The following ATRNL1 variants were observed in gnomAD, a reference collection of about 807,000 sequenced individuals.
ATRNL1 encodes the protein attractin like 1.
ATRNL1 carries 95 observed loss-of-function variants against 182.7 expected under a neutral mutation model. The observed-to-expected ratio is 0.52, with a 90% CI of 0.44 to 0.62. The LOEUF (loss-of-function observed/expected upper bound fraction) is 0.62. Ranked by LOEUF, ATRNL1 falls within the 20% of genes least tolerant of loss-of-function variation. The pLI, the probability that ATRNL1 is intolerant of heterozygous loss-of-function variation, is 0.00. For synonymous variants in ATRNL1, 576 were observed against 568.3 expected, an observed-to-expected ratio of 1.01 and a Z score of -0.19; for missense variants, 1,471 against 1,679.5, an observed-to-expected ratio of 0.88 and a Z score of 2.17.
intron 27 of ATRNL1, among the ~76,000 whole-genome samples, chr10:115,830,238 G>T (rs1435351827): frequency 6.6e-6 from 1 of 152,166 alleles, no homozygotes; most frequent in Non-Finnish European, 1.5e-5. Flanking sequence ...AATAACCTAA[G>T]AATATGTAGG....
At position 115,129,353 on chromosome 10, in the gene ATRNL1, C is replaced by G. The variant is rs202019767; in HGVS notation, c.647C>G (p.Ser216Cys). ...YSINSCPNNC[S>C]GHGKCTTSVS... The stretch of plus-strand genomic sequence containing the variant: ...ATCAATTCTTGTCCTAACAATTGCT[C>G]TGGTCATGGGAAGTGTACAACTAGT... The change falls in exon 5 of 29, where the codon TCT (serine) becomes TGT (cysteine). Residue 216 changes from serine to cysteine, a missense_variant. Physicochemically the swap from Ser to Cys is moderately radical, Grantham distance 112. This residue lies in a region of ATRNL1 where 1,031 missense variants were observed against 1,156.0 expected (regional missense o/e 0.89). Transcript: ENST00000355044. The G allele has an allele frequency of 1.9e-6, 3 of 1,613,018 alleles. No homozygotes were observed. The highest frequency in any genetic ancestry group is 1.3e-5 in the African/African-American group (1 of 74,970).
Position 115,607,439 on chromosome 10 carries a change from A to G in ATRNL1, c.3795+57903A>G, listed in dbSNP as rs186431051. 6.2e-3 allele frequency among the ~76,000 whole-genome samples: 942 copies of G among 151,954 alleles called. 1 individual carries two copies. Among genetic ancestry groups the G allele is most frequent in the Non-Finnish European group, 0.011 (715 of 67,768 alleles). On this transcript the variant is annotated intron_variant, in intron 26 of 28. Coordinates refer to ENST00000355044, the MANE Select transcript of ATRNL1 (RefSeq NM_207303.4). ...AACCATTCATACTATGTATTTAGTA[A>G]TTGTGTCTTATTTACATAATCCTTT...
intron 25 of ATRNL1, among the ~76,000 whole-genome samples, chr10:115,522,381 T>A (rs1850984755): frequency 6.6e-6 from 1 of 152,004 alleles, no homozygotes; most frequent in South Asian, 2.1e-4. Context: ...AGCCAGAGAC[T>A]CCTTTAAACA....
chr10:115,543,937 G>A (rs1554992851), intron 25 of ATRNL1, among the ~76,000 whole-genome samples: 1 of 151,288 alleles, frequency 6.6e-6, no homozygotes, highest in South Asian at 2.1e-4. Context: ...ATTTCCTTTG[G>A]GTGGATTGTA....
intron 28 of ATRNL1, among the ~76,000 whole-genome samples, chr10:115,906,620 T>G (rs17354680): frequency 0.21 from 32,676 of 152,144 alleles, 3,590 homozygotes; most frequent in Non-Finnish European, 0.23. Flanking sequence ...TAAACAATTT[T>G]AACTGTAAGT....
chr10:115,895,299 G>C (rs1952178939), intron 28 of ATRNL1, among the ~76,000 whole-genome samples: 1 of 152,182 alleles, frequency 6.6e-6, no homozygotes, highest in Non-Finnish European at 1.5e-5. Context: ...GGTCCACCGG[G>C]GATACAGCTG....
chr10:115,361,682 T>C (rs1479565269), intron 19 of ATRNL1, among the ~76,000 whole-genome samples: 1 of 152,118 alleles, frequency 6.6e-6, no homozygotes, highest in Non-Finnish European at 1.5e-5. Flanking sequence ...CCCCATATCA[T>C]AGTTTAGTGA....
At chr10:115,286,154 A>G in intron 14 of ATRNL1, 62 bp from the exon 15 acceptor site, 2 of 766,724 alleles carry the variant, frequency 2.6e-6, no homozygotes, top group South Asian at 3.5e-5. Context: ...ACTTTGAAAT[A>G]ATTGAAAAAT....
chr10:115,475,616 A>G (rs1171691873), intron 24 of ATRNL1, among the ~76,000 whole-genome samples: 3 of 151,528 alleles, frequency 2.0e-5, no homozygotes, highest in Non-Finnish European at 4.4e-5. Context: ...CCCAATCTAT[A>G]AAATGAAGAT....
At chr10:115,863,490 C>G (rs1951362765) in intron 28 of ATRNL1, among the ~76,000 whole-genome samples, 1 of 152,118 alleles carries the variant, frequency 6.6e-6, no homozygotes, top group Admixed American at 6.5e-5. Context: ...TAAATATTTT[C>G]TGGGTAATGA....
intron 18 of ATRNL1, among the ~76,000 whole-genome samples, chr10:115,323,427 C>A (rs1554932136): frequency 1.6e-5 from 2 of 128,942 alleles, no homozygotes; most frequent in Admixed American, 8.0e-5. Context: ...CCCCTCCCCT[C>A]CCCTCCCCTC....
At chr10:115,800,134 C>T (rs1483445996) in intron 27 of ATRNL1, among the ~76,000 whole-genome samples, 1 of 151,664 alleles carries the variant, frequency 6.6e-6, no homozygotes, top group Non-Finnish European at 1.5e-5. Flanking sequence ...GCAGGAGAAT[C>T]GCTTGAACCC....
At chr10:115,755,608 A>G (rs1460086325) in intron 27 of ATRNL1, among the ~76,000 whole-genome samples, 1 of 152,148 alleles carries the variant, frequency 6.6e-6, no homozygotes, top group Non-Finnish European at 1.5e-5. Context: ...GATGTTCATT[A>G]TGGATATTGG....
At chr10:115,563,146 A>G (rs1377113881) in intron 26 of ATRNL1, among the ~76,000 whole-genome samples, 30 of 152,170 alleles carry the variant, frequency 2.0e-4, no homozygotes, top group Admixed American at 2.0e-3. Context: ...TACAAGAAGC[A>G]TGGGACCAGT....
chr10:115,348,575 A>C (rs1443832248), intron 19 of ATRNL1, among the ~76,000 whole-genome samples: 3 of 152,174 alleles, frequency 2.0e-5, no homozygotes, highest in Admixed American at 1.3e-4. Flanking sequence ...ATTTAGTTGA[A>C]TAGAAGAATG....
chr10:115,619,272 C>T (rs1565218577), intron 26 of ATRNL1, among the ~76,000 whole-genome samples: 6 of 152,034 alleles, frequency 3.9e-5, no homozygotes, highest in Admixed American at 2.0e-4. Context: ...GTGGTGAGTC[C>T]CATGTGTGGT....
chr10:115,818,264 G>C (rs1359149486), intron 27 of ATRNL1, among the ~76,000 whole-genome samples: 1 of 151,272 alleles, frequency 6.6e-6, no homozygotes, highest in Non-Finnish European at 1.5e-5. Context: ...CAGAAGCATG[G>C]AGCTGCTGAG....
chr10:115,911,921 C>T (rs1251807028), intron 28 of ATRNL1, among the ~76,000 whole-genome samples: 1 of 152,316 alleles, frequency 6.6e-6, no homozygotes, highest in African/African-American at 2.4e-5. Context: ...ATTTCAGTAA[C>T]TCATTCTGTG....
At chr10:115,365,565 T>C (rs1413525328) in intron 19 of ATRNL1, among the ~76,000 whole-genome samples, 1 of 152,200 alleles carries the variant, frequency 6.6e-6, no homozygotes, top group Non-Finnish European at 1.5e-5. Flanking sequence ...TCTGCTAGCT[T>C]TAGAATGTGT....
Sources: gnomAD v4.1 joint callset for allele counts (sites outside exome capture counted in the v4.1 genomes callset) on GRCh38, gnomAD v4.1.1 for gene constraint, gnomAD v4.1.1 regional missense constraint, MANE v1.5 for transcripts, NCBI Gene and HGNC (gene_info 2026-07-23, HGNC 2026-07-21) for gene names.